Variants in ZDHHC17 observed in about 807,000 individuals in gnomAD.
The protein encoded by ZDHHC17 is palmitoyltransferase ZDHHC17.
ZDHHC17 carries 40 observed loss-of-function variants against 90.3 expected under a neutral mutation model. The ratio of observed to expected loss-of-function variants is 0.44; its 90% confidence interval spans 0.34 to 0.58. ZDHHC17 has a LOEUF of 0.58. Ranked by LOEUF, ZDHHC17 falls within the 20% of genes least tolerant of loss-of-function variation. The pLI is 0.01. For synonymous variants in ZDHHC17, 235 were observed against 252.4 expected (o/e 0.93, Z 0.65); for missense variants, 614 against 780.8 (o/e 0.79, Z 2.55).
intron 1 of ZDHHC17, among the ~76,000 whole-genome samples, chr12:76,786,118 CTTTCTT>C (rs979077807): frequency 7.6e-6 from 1 of 131,754 alleles, no homozygotes; most frequent in African/African-American, 2.9e-5. Context: ...TCTTTTCTTT[CTTTCTT>C]TTTTTTTTTT....
chr12:76,847,115 C>G (rs1953504143), intron 14 of ZDHHC17, among the ~76,000 whole-genome samples: 1 of 152,158 alleles, frequency 6.6e-6, no homozygotes, highest in African/African-American at 2.4e-5. Flanking sequence ...TAATTATTGC[C>G]TATTAGAGAA....
chr12:76,793,474 C>G (rs1952783739), intron 1 of ZDHHC17, among the ~76,000 whole-genome samples: 1 of 152,302 alleles, frequency 6.6e-6, no homozygotes, highest in African/African-American at 2.4e-5. Context: ...GAGCTGAGAT[C>G]ATGCCACTGC....
intron 2 of ZDHHC17, among the ~76,000 whole-genome samples, chr12:76,803,025 G>A (rs1304826651): frequency 2.6e-5 from 4 of 152,130 alleles, no homozygotes; most frequent in Non-Finnish European, 4.4e-5. Context: ...GCTGAGGTGG[G>A]CAGATCGCTT....
At chr12:76,771,808 T>TG (rs754778496) in intron 1 of ZDHHC17, among the ~76,000 whole-genome samples, 4 of 152,164 alleles carry the variant, frequency 2.6e-5, no homozygotes, top group Non-Finnish European at 5.9e-5. Context: ...ATCCTCTTGT[T>TG]GCAGATGTCA....
At chr12:76,834,405 A>T (rs1953339854) in intron 10 of ZDHHC17, among the ~76,000 whole-genome samples, 1 of 152,220 alleles carries the variant, frequency 6.6e-6, no homozygotes, top group South Asian at 2.1e-4. Flanking sequence ...AAACTCAAGA[A>T]GGATATAAAC....
chr12:76,805,990 A>G (rs1240207003), intron 3 of ZDHHC17, among the ~76,000 whole-genome samples: 2 of 152,166 alleles, frequency 1.3e-5, no homozygotes, highest in Non-Finnish European at 2.9e-5. Flanking sequence ...TTTGTTTAGT[A>G]TTAATAAGAA....
chr12:76,784,387 G>A (rs1952662803), intron 1 of ZDHHC17, among the ~76,000 whole-genome samples: 1 of 152,086 alleles, frequency 6.6e-6, no homozygotes, highest in Non-Finnish European at 1.5e-5. Context: ...GGTAGAAGAT[G>A]GTGAAATCAT....
intron 10 of ZDHHC17, among the ~76,000 whole-genome samples, chr12:76,836,570 G>GT (rs1376495661): frequency 6.6e-5 from 10 of 151,710 alleles, no homozygotes; most frequent in African/African-American, 2.4e-4. Flanking sequence ...TGCTTGTTTA[G>GT]TTTTTTCTTT....
chr12:76,765,986 G>A (rs1041248098), intron 1 of ZDHHC17, among the ~76,000 whole-genome samples: 4 of 152,196 alleles, frequency 2.6e-5, no homozygotes, highest in Non-Finnish European at 4.4e-5. Flanking sequence ...ACAGGCATGA[G>A]CCACCATGCC....
At chr12:76,764,414 G>T in intron 1 of ZDHHC17, 85 bp downstream of exon 1, 2 of 1,297,350 alleles carry the variant, frequency 1.5e-6, no homozygotes, top group Non-Finnish European at 2.1e-6. Context: ...CGGCCGACGT[G>T]TGTGGGGTAG....
intron 1 of ZDHHC17, among the ~76,000 whole-genome samples, chr12:76,774,983 G>C (rs373986225): frequency 2.0e-5 from 3 of 152,114 alleles, no homozygotes; most frequent in East Asian, 1.9e-4. Context: ...ACACCACCAT[G>C]CCTGATTAAT....
At chr12:76,836,740 G>C (rs190534477) in intron 10 of ZDHHC17, among the ~76,000 whole-genome samples, 1 of 152,116 alleles carries the variant, frequency 6.6e-6, no homozygotes, top group African/African-American at 2.4e-5. Flanking sequence ...ATTTTTATCT[G>C]TTTGCAGCAT....
chr12:76,842,162 C>T, intron 11 of ZDHHC17, 56 bp downstream of exon 11: 1 of 1,479,444 alleles, frequency 6.8e-7, no homozygotes, highest in Non-Finnish European at 9.0e-7. Flanking sequence ...TCAGTATTTA[C>T]AGCAGACATT....
chr12:76,809,347 T>C (rs1181406536), intron 4 of ZDHHC17, among the ~76,000 whole-genome samples: 2 of 98,242 alleles, frequency 2.0e-5, no homozygotes, highest in African/African-American at 7.4e-5. Context: ...AGTTATAAGA[T>C]TGGATTAAAC....
chr12:76,799,265 G>A (rs1952859432), intron 2 of ZDHHC17, among the ~76,000 whole-genome samples: 1 of 152,166 alleles, frequency 6.6e-6, no homozygotes, highest in African/African-American at 2.4e-5. Flanking sequence ...CAAGAAGAAA[G>A]CATAAAGTGG....
chr12:76,832,494 G>A lies in ZDHHC17; in HGVS notation c.1141+4004G>A, dbSNP rs369248976. Among the ~76,000 whole-genome samples, 15 of 152,192 alleles carry A rather than the reference G, an allele frequency of 9.9e-5. No homozygotes were observed. The East Asian group carries it at 1.2e-3, about 12-fold the overall frequency. The stretch of plus-strand genomic sequence containing the variant: ...GTTCCTAAGAGTAATACAGAGTTAG[G>A]TTCCTATGTGGCTCTGGTCACAACA... On this transcript the variant is annotated intron_variant, in intron 10 of 16. Transcript: ENST00000426126.
Position 76,764,211 on chromosome 12 carries a change from G to C in ZDHHC17, c.-26G>C, listed in dbSNP as rs1451488036. 2.8e-6 allele frequency: 4 copies of C among 1,415,824 alleles called. No homozygotes were observed. The highest frequency in any genetic ancestry group is 3.8e-6 in the Non-Finnish European group (4 of 1,057,176). The allele number at this position is 1,415,824 out of a possible 1,614,324, so 87.7% of individuals were successfully genotyped here. A position where few individuals can be genotyped will look rare whatever the true frequency, so the allele number is the denominator to read the frequency against. ...TCGCCCTCCGCCTCGCCCGAGCCCCGGGAGGGTGAAACGCTTTCTCCCAGC... is the reference window on the plus strand; with the variant it reads ...TCGCCCTCCGCCTCGCCCGAGCCCCCGGAGGGTGAAACGCTTTCTCCCAGC... On this transcript the variant is annotated 5_prime_UTR_variant, in exon 1 of 17. Coordinates refer to ENST00000426126, the MANE Select transcript of ZDHHC17 (RefSeq NM_015336.4).
intron 14 of ZDHHC17, among the ~76,000 whole-genome samples, chr12:76,847,102 G>T (rs1466405767): frequency 6.6e-6 from 1 of 152,162 alleles, no homozygotes; most frequent in African/African-American, 2.4e-5. Flanking sequence ...GAAAAGTAAG[G>T]TATAATTATT....
chr12:76,837,579 T>C (rs1197852750), intron 10 of ZDHHC17, among the ~76,000 whole-genome samples: 1 of 152,230 alleles, frequency 6.6e-6, no homozygotes, highest in Non-Finnish European at 1.5e-5. Context: ...TGTTAATCAT[T>C]GTCCCTCAGA....
Sources: gnomAD v4.1 joint callset for allele counts (sites outside exome capture counted in the v4.1 genomes callset) on GRCh38, gnomAD v4.1.1 for gene constraint, MANE v1.5 for transcripts, NCBI Gene and HGNC (gene_info 2026-07-23, HGNC 2026-07-21) for gene names.